The following RBPMS2 variants were observed in gnomAD, a reference collection of about 807,000 sequenced individuals.
RBPMS2 encodes RNA binding protein, mRNA processing factor 2, also known as RNA-binding protein with multiple splicing 2.
A neutral mutation model predicts 25.7 loss-of-function variants in RBPMS2; 14 were observed. The ratio of observed to expected loss-of-function variants is 0.55; its 90% CI spans 0.36 to 0.85. The LOEUF (loss-of-function observed/expected upper bound fraction) is 0.85, where lower values mean the gene tolerates loss of function less well. RBPMS2 is among the 40% of genes least tolerant of loss of function. RBPMS2 has a pLI of 0.01. For missense variants in RBPMS2, 252 were observed against 283.4 expected, an observed-to-expected ratio of 0.89 and a Z score of 0.80; for synonymous variants, 127 against 115.6, an observed-to-expected ratio of 1.10 and a Z score of -0.63.
In RBPMS2 at chr15:64,750,350, G is replaced by T. The variant is rs768536420; in HGVS notation, c.197C>A (p.Ala66Glu). 2 of 1,613,820 alleles carry T rather than the reference G, an allele frequency of 1.2e-6. No homozygotes were observed. Among genetic ancestry groups the T allele is most frequent in the East Asian group, 4.5e-5 (2 of 44,884 alleles). The change falls in exon 3 of 8, where the codon GCA becomes GAA. Residue 66 changes from alanine to glutamate, a missense_variant. Physicochemically the swap from Ala to Glu is moderately radical, Grantham distance 107. Coordinates refer to ENST00000300069, the MANE Select transcript of RBPMS2 (RefSeq NM_194272.3). ...CCCTAGGAGAGAAATTACCTGTCTT[G>T]CAGTGAGCTTGATCAGGGACCCTTC... is the stretch of plus-strand genomic sequence containing the variant. The part of the protein sequence containing the change: ...GYEGSLIKLT[A>E]RQPVGFVIFD...
chr15:64,749,709 C>G (rs1330810538), intron 3 of RBPMS2, among the ~76,000 whole-genome samples: 1 of 152,178 alleles, frequency 6.6e-6, no homozygotes, highest in Non-Finnish European at 1.5e-5. Context: ...AGTCTCCCTC[C>G]CCAGGAATAT....
rs2083647950 is a variant in RBPMS2 at position 64,749,037 on chromosome 15, G to A, written c.381C>T (p.His127=). Reference sequence around the variant, plus strand: ...CGATGAAGTGTGCTCCTAGGGCGGGGTGCACGTTGCTGGGATTTGGAGTTG... The same window carrying A: ...CGATGAAGTGTGCTCCTAGGGCGGGATGCACGTTGCTGGGATTTGGAGTTG... ...LMATPNPSNV[H]PALGAHFIAR... is the part of the protein sequence containing the mutation. Residue 127 remains histidine, a synonymous_variant, in exon 5 of 8, where the codon CAC becomes CAT. Transcript: ENST00000300069. The A allele has an allele frequency of 1.9e-6, 3 of 1,614,246 alleles. No homozygotes were observed. The highest frequency in any genetic ancestry group is 1.7e-6 in the Non-Finnish European group (2 of 1,180,044).
intron 2 of RBPMS2, 81 bp from the exon 3 acceptor site, chr15:64,750,462 C>G: frequency 1.6e-6 from 2 of 1,218,446 alleles, no homozygotes; most frequent in Non-Finnish European, 2.4e-6. Context: ...CATCAGCCCC[C>G]GCGTTCCCCT....
At chr15:64,762,898 G>A (rs2083803621) in intron 1 of RBPMS2, among the ~76,000 whole-genome samples, 1 of 152,186 alleles carries the variant, frequency 6.6e-6, no homozygotes, top group Non-Finnish European at 1.5e-5. Context: ...GAGAAGAGAA[G>A]GGGACAAGAT....
At chr15:64,746,504 G>T (rs1373562469) in intron 6 of RBPMS2, among the ~76,000 whole-genome samples, 1 of 152,214 alleles carries the variant, frequency 6.6e-6, no homozygotes, top group Non-Finnish European at 1.5e-5. Context: ...ACACAGAGAT[G>T]GTGGGTAACG....
chr15:64,746,429 G>C (rs2083618543), intron 6 of RBPMS2, among the ~76,000 whole-genome samples: 1 of 152,146 alleles, frequency 6.6e-6, no homozygotes, highest in Non-Finnish European at 1.5e-5. Flanking sequence ...GCCATCACGC[G>C]ACTCCATGCC....
chr15:64,762,558 C>A (rs770060216), intron 1 of RBPMS2: 4 of 531,620 alleles, frequency 7.5e-6, no homozygotes, highest in Admixed American at 5.9e-5. Flanking sequence ...CAGGACACTG[C>A]ACTCAGGGTC....
rs150042844 is a variant in RBPMS2, at chr15:64,751,572, G to T, written c.154C>A (p.Arg52=). Reference sequence around the variant, plus strand: ...GGGTCCTGACTCACCTTGAACGGCCGGAAGAGCAAGTAGAGTTCTCTGGGT... The same window carrying T: ...GGGTCCTGACTCACCTTGAACGGCCTGAAGAGCAAGTAGAGTTCTCTGGGT... ...IKPRELYLLF[R]PFKGYEGSLI... Residue 52 remains arginine, a synonymous_variant, in exon 2 of 8, where the codon CGG becomes AGG. Coordinates refer to ENST00000300069, the MANE Select transcript of RBPMS2 (RefSeq NM_194272.3). 851 of 1,613,820 alleles carry T rather than the reference G, an allele frequency of 5.3e-4. 1 individual carries two copies. Among genetic ancestry groups the T allele is most frequent in the Non-Finnish European group, 6.8e-4 (808 of 1,179,920 alleles).
At chr15:64,771,067 G>A (rs983365401) in intron 1 of RBPMS2, among the ~76,000 whole-genome samples, 4 of 152,156 alleles carry the variant, frequency 2.6e-5, no homozygotes, top group African/African-American at 7.2e-5. Flanking sequence ...CCATTAAGCT[G>A]GCAAAAACTT....
chr15:64,773,694 A>C (rs1186003716), intron 1 of RBPMS2, among the ~76,000 whole-genome samples: 2 of 152,100 alleles, frequency 1.3e-5, no homozygotes, highest in Non-Finnish European at 1.5e-5. Flanking sequence ...TAGACCCTTT[A>C]GCAGAAGTGG....
intron 1 of RBPMS2, among the ~76,000 whole-genome samples, chr15:64,774,732 A>AGCCGGCCAGCCGGCCG (rs1555431933): frequency 6.8e-6 from 1 of 147,068 alleles, no homozygotes; most frequent in Non-Finnish European, 1.5e-5. Flanking sequence ...GGAACCGAGG[A>AGCCGGCCAGCCGGCCG]GCCGGCCGGC....
At chr15:64,746,226 G>C (rs926120929) in intron 6 of RBPMS2, among the ~76,000 whole-genome samples, 1 of 152,094 alleles carries the variant, frequency 6.6e-6, no homozygotes, top group Non-Finnish European at 1.5e-5. Flanking sequence ...CTTCCCATTA[G>C]CCTGCCTCCC....
In RBPMS2 at chr15:64,774,846, G is replaced by A. The variant is rs745504676; in HGVS notation, c.87+387C>T. The stretch of plus-strand genomic sequence containing the variant: ...ATCCCGCTCCGCTCCGTGCCGCCGA[G>A]GCGGGGTCCTGGCCACGCAGGAGGT... On this transcript the variant is annotated intron_variant, in intron 1 of 7. Transcript: ENST00000300069. 2.1e-4 allele frequency among the ~76,000 whole-genome samples: 32 copies of A among 151,508 alleles called. 1 individual carries two copies. The highest frequency in any genetic ancestry group is 3.5e-4 in the Non-Finnish European group (24 of 67,832).
At chr15:64,764,813 G>A (rs1299399740) in intron 1 of RBPMS2, among the ~76,000 whole-genome samples, 1 of 151,762 alleles carries the variant, frequency 6.6e-6, no homozygotes, top group African/African-American at 2.4e-5. Flanking sequence ...AGCTACTCAG[G>A]AGGCCGAGGC....
At chr15:64,744,130 A>G (rs1232254915) in intron 6 of RBPMS2, among the ~76,000 whole-genome samples, 1 of 152,052 alleles carries the variant, frequency 6.6e-6, no homozygotes, top group African/African-American at 2.4e-5. Context: ...ATAACTAAAA[A>G]AAGAGAAAGG....
intron 1 of RBPMS2, among the ~76,000 whole-genome samples, chr15:64,763,707 G>A (rs981079523): frequency 6.6e-6 from 1 of 152,026 alleles, no homozygotes; most frequent in Non-Finnish European, 1.5e-5. Context: ...GTGCCTGGCT[G>A]GCCAGTGGCA....
In RBPMS2 at chr15:64,758,926, ATT is replaced by A. The variant is rs1307491578; in HGVS notation, c.88-7290_88-7289del. ...GAGTGCCTGGGAGCTACCTATTTTT[ATT>A]TTTAATTAAAAATTAAACTTTTATT... On this transcript the variant is annotated intron_variant, in intron 1 of 7. Transcript: ENST00000300069. Among the ~76,000 whole-genome samples the A allele has an allele frequency of 2.0e-5, 3 of 152,186 alleles. No individual in the cohort carries two copies. The East Asian group carries it at 5.8e-4, about 29-fold the overall frequency.
At chr15:64,748,951 G>A in intron 5 of RBPMS2, 49 bp downstream of exon 5, 2 of 1,604,078 alleles carry the variant, frequency 1.2e-6, no homozygotes, top group Middle Eastern at 1.7e-4. Context: ...CTGCAAGTCT[G>A]CCCTGAATGC....
rs1595787911 is a variant in RBPMS2 at position 64,751,728 on chromosome 15, T to C, written c.88-90A>G. ...TCCTTCAGGCAGGCAACTGGAATCCTTCTAGAGCTTAGAGGAATTCAGCCT... is the reference window on the plus strand; with the variant it reads ...TCCTTCAGGCAGGCAACTGGAATCCCTCTAGAGCTTAGAGGAATTCAGCCT... On this transcript the variant is annotated intron_variant, in intron 1 of 7. Coordinates refer to ENST00000300069, the MANE Select transcript of RBPMS2 (RefSeq NM_194272.3). The C allele has an allele frequency of 2.9e-6, 3 of 1,051,918 alleles. No individual in the cohort carries two copies. The East Asian group carries it at 7.2e-5, about 25-fold the overall frequency. 65.2% of individuals were successfully genotyped at this position (1,051,918 alleles called of 1,614,324 possible).
Sources: gnomAD v4.1 joint callset for allele counts (sites outside exome capture counted in the v4.1 genomes callset) on GRCh38, gnomAD v4.1.1 for gene constraint, MANE v1.5 for transcripts, NCBI Gene and HGNC (gene_info 2026-07-23, HGNC 2026-07-21) for gene names.